PTPN5: variants seen among roughly 807,000 people sequenced by gnomAD.
PTPN5 encodes the protein protein tyrosine phosphatase non-receptor type 5, also known as tyrosine-protein phosphatase non-receptor type 5.
Under a neutral mutation model 73.9 loss-of-function variants are expected in PTPN5, and 29 were observed. The observed-to-expected ratio is 0.39, with a 90% confidence interval of 0.29 to 0.54. The LOEUF (loss-of-function observed/expected upper bound fraction) is 0.54, where lower values mean the gene tolerates loss of function less well. Ranked by LOEUF, PTPN5 falls within the 20% of genes least tolerant of loss-of-function variation. The probability of loss-of-function intolerance (pLI) is 0.65; values close to 1 mark genes in which losing one functional copy is unlikely to be tolerated. For synonymous variants in PTPN5, 267 were observed against 304.7 expected (o/e 0.88, Z 1.29); for missense variants, 652 against 751.4 (o/e 0.87, Z 1.55).
intron 3 of PTPN5, among the ~76,000 whole-genome samples, chr11:18,748,705 G>C (rs1290983842): frequency 6.6e-6 from 1 of 152,068 alleles, no homozygotes; most frequent in Non-Finnish European, 1.5e-5. Flanking sequence ...ACTGGGCTAG[G>C]AGCCTGCCAC....
At chr11:18,779,588 C>G (rs1343331810) in intron 1 of PTPN5, among the ~76,000 whole-genome samples, 1 of 152,110 alleles carries the variant, frequency 6.6e-6, no homozygotes, top group Admixed American at 6.5e-5. Flanking sequence ...AGGTTAGGGA[C>G]TGACATGAGA....
intron 3 of PTPN5, among the ~76,000 whole-genome samples, chr11:18,764,093 G>C (rs1047409170): frequency 6.6e-6 from 1 of 152,106 alleles, no homozygotes; most frequent in Non-Finnish European, 1.5e-5. Flanking sequence ...GGGGACTTCT[G>C]ATGTCATCTG....
At chr11:18,734,285 C>T (rs1469892447) in intron 9 of PTPN5, among the ~76,000 whole-genome samples, 7 of 152,126 alleles carry the variant, frequency 4.6e-5, no homozygotes, top group Non-Finnish European at 8.8e-5. Context: ...GCCTCATGTC[C>T]ACATATGCAA....
chr11:18,751,626 A>G (rs1849891683), intron 3 of PTPN5, among the ~76,000 whole-genome samples: 1 of 152,206 alleles, frequency 6.6e-6, no homozygotes, highest in African/African-American at 2.4e-5. Flanking sequence ...AGCTGGCTGA[A>G]GGCAGGGCCC....
chr11:18,779,861 G>A (rs191802855), intron 1 of PTPN5, among the ~76,000 whole-genome samples: 69 of 152,316 alleles, frequency 4.5e-4, no homozygotes, highest in Middle Eastern at 3.4e-3. Flanking sequence ...TCCACAAGGG[G>A]CCTTGGGTCG....
At chr11:18,743,983 T>C in intron 4 of PTPN5, 23 bp downstream of exon 4, 2 of 1,570,500 alleles carry the variant, frequency 1.3e-6, no homozygotes, top group Non-Finnish European at 1.7e-6. Flanking sequence ...TCCAGACCCT[T>C]GTGAGGCCTG....
intron 3 of PTPN5, among the ~76,000 whole-genome samples, chr11:18,753,391 C>T (rs1590547345): frequency 1.3e-5 from 2 of 152,194 alleles, no homozygotes; most frequent in African/African-American, 4.8e-5. Flanking sequence ...TTTTAGGGTC[C>T]TTCTATCTCT....
intron 1 of PTPN5, among the ~76,000 whole-genome samples, chr11:18,775,856 G>A (rs2134335227): frequency 6.6e-6 from 1 of 152,270 alleles, no homozygotes; most frequent in African/African-American, 2.4e-5. Context: ...TGGAACGGCA[G>A]TGAACCAGCA....
chr11:18,773,494 C>T (rs1024437049), intron 1 of PTPN5, among the ~76,000 whole-genome samples: 2 of 152,248 alleles, frequency 1.3e-5, no homozygotes, highest in South Asian at 2.1e-4. Flanking sequence ...ACAGAAGGCA[C>T]AGAGTCTGCA....
chr11:18,790,597 CCTT>C (rs1564940192), intron 1 of PTPN5, among the ~76,000 whole-genome samples: 1 of 152,152 alleles, frequency 6.6e-6, no homozygotes, highest in Non-Finnish European at 1.5e-5. Context: ...CCCCCTCTCC[CCTT>C]TTTTTGGTAC....
At chr11:18,732,810 C>T (rs890103159) in intron 11 of PTPN5, 108 bp from the exon 12 acceptor site, 17 of 886,256 alleles carry the variant, frequency 1.9e-5, no homozygotes, top group Non-Finnish European at 3.1e-5. Context: ...AGGGTTGCTG[C>T]TACAGAGTGT....
In PTPN5 at chr11:18,742,653, T is replaced by C; in HGVS notation, c.484-150A>G. ...GGAGTTGTCCACAAGGCACTGCCCC[T>C]GGCCTCGATGGGAGGCTCCATGCCC... On this transcript the variant is annotated intron_variant, in intron 6 of 14. Coordinates refer to ENST00000358540, the MANE Select transcript of PTPN5 (RefSeq NM_006906.2). This position sits in a 1 kb window ranked among gnomAD's most constrained non-coding sequence, Gnocchi z 4.1. The C allele has an allele frequency of 8.6e-7, 1 of 1,167,988 alleles. No homozygotes were observed. The highest frequency in any genetic ancestry group is 1.2e-6 in the Non-Finnish European group (1 of 846,752). 72.4% of individuals were successfully genotyped at this position (1,167,988 alleles called of 1,614,324 possible).
intron 1 of PTPN5, among the ~76,000 whole-genome samples, chr11:18,775,501 G>A (rs888218278): frequency 2.0e-5 from 3 of 152,218 alleles, no homozygotes; most frequent in African/African-American, 4.8e-5. Context: ...AGTCCTGCGC[G>A]GGACCACGAC....
At position 18,767,252 on chromosome 11, in the gene PTPN5, A is replaced by C. The variant is rs1850684403; in HGVS notation, c.21-1369T>G. 2.0e-5 allele frequency among the ~76,000 whole-genome samples: 3 copies of C among 152,338 alleles called. No individual in the cohort carries two copies. The South Asian group carries it at 6.2e-4, about 32-fold the overall frequency. On this transcript the variant is annotated intron_variant, in intron 2 of 14. Coordinates refer to ENST00000358540, the MANE Select transcript of PTPN5 (RefSeq NM_006906.2). ...TTCCAGATTTTAAATAATTAAGGGC[A>C]GAGAGGTCAGGTTCAGGGTGGCCCT...
chr11:18,729,616 TG>T lies in PTPN5; in HGVS notation c.1490+41del. ...GTGAGGGGCAGGGCAGCCCAGCGGGTGGGGGGCTGCCCCGCTCCAGTGGCTG... is the reference window on the plus strand; with the variant it reads ...GTGAGGGGCAGGGCAGCCCAGCGGGTGGGGGCTGCCCCGCTCCAGTGGCTG... On this transcript the variant is annotated intron_variant, in intron 13 of 14. Transcript: ENST00000358540. The surrounding 1 kb of genome is among the most constrained non-coding windows in gnomAD (Gnocchi z 5.2). The T allele has an allele frequency of 6.4e-7, 1 of 1,556,682 alleles. No homozygotes were observed. The highest frequency in any genetic ancestry group is 8.7e-7 in the Non-Finnish European group (1 of 1,149,428).
chr11:18,743,170 C>A, intron 5 of PTPN5, 95 bp from the exon 6 acceptor site: 1 of 1,239,672 alleles, frequency 8.1e-7, no homozygotes, highest in Non-Finnish European at 1.2e-6. Flanking sequence ...AAAATCACGT[C>A]CCAGGTCTGG....
At chr11:18,747,433 G>T (rs1849692229) in intron 3 of PTPN5, among the ~76,000 whole-genome samples, 5 of 152,086 alleles carry the variant, frequency 3.3e-5, no homozygotes. Flanking sequence ...TTACAGGCGT[G>T]AGCCACCGCG....
chr11:18,783,068 A>C (rs1245393380), intron 1 of PTPN5, among the ~76,000 whole-genome samples: 1 of 152,214 alleles, frequency 6.6e-6, no homozygotes, highest in Non-Finnish European at 1.5e-5. Flanking sequence ...TGCCACTCCT[A>C]GGCCTCGTAT....
chr11:18,761,289 T>C lies in PTPN5; in HGVS notation c.97+4518A>G, dbSNP rs565413219. ...CTTTATCTACCTCCTTCTTCTACCTTGTACCTCCGCGGCAGCTGCTGGGAG... is the reference window on the plus strand; with the variant it reads ...CTTTATCTACCTCCTTCTTCTACCTCGTACCTCCGCGGCAGCTGCTGGGAG... On this transcript the variant is annotated intron_variant, in intron 3 of 14. Coordinates refer to ENST00000358540, the MANE Select transcript of PTPN5 (RefSeq NM_006906.2). Among the ~76,000 whole-genome samples the C allele has an allele frequency of 9.4e-4, 143 of 152,286 alleles. 1 individual carries two copies. In the Middle Eastern group the frequency reaches 0.017, roughly 18 times the overall value.
Sources: gnomAD v4.1 joint callset for allele counts (sites outside exome capture counted in the v4.1 genomes callset) on GRCh38, gnomAD v4.1.1 for gene constraint, Gnocchi (gnomAD v3.1) non-coding constraint, MANE v1.5 for transcripts, NCBI Gene and HGNC (gene_info 2026-07-23, HGNC 2026-07-21) for gene names.